TOP6BL: variants seen among roughly 807,000 people sequenced by gnomAD.
TOP6BL encodes TOP6B like initiator of meiotic double strand breaks.
chr11:66,761,932 T>G, the TOP6BL span: 1 of 1,464,136 alleles, frequency 6.8e-7, no homozygotes, highest in Non-Finnish European at 9.6e-7. Context: ...GGAGTTGATA[T>G]CAATTCAGGG....
the TOP6BL span, among the ~76,000 whole-genome samples, chr11:66,754,892 G>A: frequency 6.6e-6 from 1 of 152,312 alleles, no homozygotes; most frequent in East Asian, 1.9e-4. Context: ...ATGCTGAGTG[G>A]AGGAGGGAAT....
chr11:66,788,243 G>A, the TOP6BL span: 2 of 1,613,208 alleles, frequency 1.2e-6, no homozygotes, highest in East Asian at 2.2e-5. Context: ...TATGACAGGG[G>A]TAACACCCTT....
chr11:66,793,803 T>C, the TOP6BL span, among the ~76,000 whole-genome samples: 1 of 151,978 alleles, frequency 6.6e-6, no homozygotes, highest in African/African-American at 2.4e-5. Context: ...TCTTTTTCAG[T>C]GTACTTATAA....
the TOP6BL span, chr11:66,814,029 C>CT: frequency 1.2e-6 from 2 of 1,603,338 alleles, no homozygotes; most frequent in Non-Finnish European, 1.7e-6. Context: ...TATCCTCCCT[C>CT]TTTCTGCACA....
At chr11:66,829,068 CA>C in the TOP6BL span, among the ~76,000 whole-genome samples, 1,051 of 33,114 alleles carry the variant, frequency 0.032, 13 homozygotes, top group African/African-American at 0.1. Context: ...GCCTCTGTCT[CA>C]AAAAAAAAAA....
At chr11:66,837,540 G>A in the TOP6BL span, among the ~76,000 whole-genome samples, 2 of 151,382 alleles carry the variant, frequency 1.3e-5, no homozygotes, top group Admixed American at 1.3e-4. Context: ...CACCTCCCAG[G>A]TTCAAGCAAT....
chr11:66,771,187 A>T, the TOP6BL span: 5 of 147,736 alleles, frequency 3.4e-5, no homozygotes, highest in African/African-American at 1.3e-4. Flanking sequence ...TTTTTTAGAG[A>T]TGAGGTCTTG....
At chr11:66,779,772 A>G in the TOP6BL span, among the ~76,000 whole-genome samples, 3 of 152,204 alleles carry the variant, frequency 2.0e-5, no homozygotes, top group Non-Finnish European at 4.4e-5. Flanking sequence ...CAAATGTCCA[A>G]CAATGATAGA....
At chr11:66,783,857 A>G in the TOP6BL span, among the ~76,000 whole-genome samples, 7 of 151,776 alleles carry the variant, frequency 4.6e-5, no homozygotes, top group Non-Finnish European at 8.8e-5. Context: ...GCAGGGTCTC[A>G]CTCTGTCACC....
the TOP6BL span, among the ~76,000 whole-genome samples, chr11:66,842,515 G>C: frequency 6.6e-6 from 1 of 152,186 alleles, no homozygotes; most frequent in Admixed American, 6.5e-5. Context: ...GAAAGGTGAG[G>C]GGGGACAGAG....
chr11:66,747,866 C>T, the TOP6BL span, among the ~76,000 whole-genome samples: 1 of 152,112 alleles, frequency 6.6e-6, no homozygotes, highest in Non-Finnish European at 1.5e-5. Flanking sequence ...GTGATCCTCT[C>T]ACCTCGGCCT....
At chr11:66,828,408 G>T in the TOP6BL span, 1 of 1,446,658 alleles carries the variant, frequency 6.9e-7, no homozygotes, top group Non-Finnish European at 9.6e-7. Context: ...CTTCCATTTT[G>T]ATATATGGGA....
chr11:66,801,268 A>G, the TOP6BL span: 1 of 634,494 alleles, frequency 1.6e-6, no homozygotes, highest in South Asian at 2.0e-5. Flanking sequence ...GAAAACTGCT[A>G]TTTTAAGTTA....
chr11:66,795,240 G>A, the TOP6BL span, among the ~76,000 whole-genome samples: 1 of 151,556 alleles, frequency 6.6e-6, no homozygotes, highest in Non-Finnish European at 1.5e-5. Context: ...TTGTCACATA[G>A]TAGGTATTCA....
the TOP6BL span, among the ~76,000 whole-genome samples, chr11:66,792,791 C>T: frequency 2.0e-4 from 31 of 152,266 alleles, no homozygotes; most frequent in African/African-American, 7.2e-4. Context: ...ACTTTCACTT[C>T]GGTTGTCTTA....
At chr11:66,768,625 T>C in the TOP6BL span, among the ~76,000 whole-genome samples, 1 of 152,070 alleles carries the variant, frequency 6.6e-6, no homozygotes, top group Admixed American at 6.5e-5. Context: ...TTTATAAAGG[T>C]TGGCTGAAGA....
chr11:66,815,551 C>T, the TOP6BL span, among the ~76,000 whole-genome samples: 24 of 152,166 alleles, frequency 1.6e-4, no homozygotes, highest in Non-Finnish European at 2.2e-4. Context: ...TACTGGCTCC[C>T]GTTGGACGAG....
chr11:66,833,968 C>G, the TOP6BL span, among the ~76,000 whole-genome samples: 1 of 151,862 alleles, frequency 6.6e-6, no homozygotes, highest in Non-Finnish European at 1.5e-5. Context: ...AAAGATCTGA[C>G]CTCTTTTACC....
At chr11:66,761,496 C>T in the TOP6BL span, 1 of 573,660 alleles carries the variant, frequency 1.7e-6, no homozygotes, top group African/African-American at 1.9e-5. Flanking sequence ...CATTTCAAAG[C>T]ACATGTCTAG....
Sources: gnomAD v4.1 joint callset for allele counts (sites outside exome capture counted in the v4.1 genomes callset) on GRCh38, gnomAD v4.1.1 for gene constraint, MANE v1.5 for transcripts, NCBI Gene and HGNC (gene_info 2026-07-23, HGNC 2026-07-21) for gene names.